Variants in PTPRG observed in about 807,000 individuals in gnomAD.
The protein encoded by PTPRG is protein tyrosine phosphatase receptor type G.
A neutral mutation model predicts 165.3 loss-of-function variants in PTPRG; 102 were observed. That is an observed-to-expected ratio of 0.62 (90% CI 0.53 to 0.73). The LOEUF (loss-of-function observed/expected upper bound fraction) is 0.73. Among genes scored for constraint, PTPRG ranks in the 30% least tolerant of loss-of-function variants. The probability of loss-of-function intolerance (pLI) is 0.00; values close to 1 mark genes in which losing one functional copy is unlikely to be tolerated. For missense variants in PTPRG, 1,866 were observed against 1,861.4 expected, an observed-to-expected ratio of 1.00 and a Z score of -0.05; for synonymous variants, 675 against 669.5, an observed-to-expected ratio of 1.01 and a Z score of -0.13.
intron 1 of PTPRG, among the ~76,000 whole-genome samples, chr3:61,629,394 T>TC (rs1194032506): frequency 6.6e-6 from 1 of 152,128 alleles, no homozygotes; most frequent in African/African-American, 2.4e-5. Context: ...GACCTTGTGA[T>TC]CCGCCTGCCT....
intron 2 of PTPRG, among the ~76,000 whole-genome samples, chr3:61,822,100 C>A (rs1165752665): frequency 6.6e-6 from 1 of 152,194 alleles, no homozygotes; most frequent in Admixed American, 6.5e-5. Flanking sequence ...TGGAGAATCT[C>A]TCTTTTCTGA....
intron 13 of PTPRG, among the ~76,000 whole-genome samples, chr3:62,226,974 T>C (rs2106909805): frequency 6.6e-6 from 1 of 152,302 alleles, no homozygotes; most frequent in East Asian, 1.9e-4. Context: ...TTTTTTTTCT[T>C]CCCTGGATGT....
chr3:61,753,406 CAGTT>C (rs1180034511), intron 2 of PTPRG, among the ~76,000 whole-genome samples: 21 of 152,028 alleles, frequency 1.4e-4, no homozygotes, highest in African/African-American at 4.3e-4. Flanking sequence ...TAATTTTACT[CAGTT>C]AAAGTATATT....
At chr3:62,177,058 G>A (rs776094513) in intron 8 of PTPRG, among the ~76,000 whole-genome samples, 9 of 152,158 alleles carry the variant, frequency 5.9e-5, no homozygotes, top group Non-Finnish European at 1.3e-4. Flanking sequence ...GAGACCAGCA[G>A]TTCCTGACCA....
chr3:61,752,883 C>A (rs1490212612), intron 2 of PTPRG, among the ~76,000 whole-genome samples: 1 of 150,190 alleles, frequency 6.7e-6, no homozygotes, highest in Non-Finnish European at 1.5e-5. Flanking sequence ...TCTGGTATAA[C>A]TTTTCACTTC....
At chr3:61,944,021 G>C (rs1013085571) in intron 2 of PTPRG, among the ~76,000 whole-genome samples, 1 of 152,052 alleles carries the variant, frequency 6.6e-6, no homozygotes, top group African/African-American at 2.4e-5. Context: ...TATATGCCTT[G>C]GTTCCAGCAG....
At chr3:62,253,809 T>G (rs1238496241) in intron 15 of PTPRG, among the ~76,000 whole-genome samples, 2 of 152,224 alleles carry the variant, frequency 1.3e-5, no homozygotes, top group Non-Finnish European at 2.9e-5. Context: ...TAAGGTTGCC[T>G]ATTAACATGA....
At chr3:61,672,195 A>G (rs1475680905) in intron 1 of PTPRG, among the ~76,000 whole-genome samples, 2 of 124,878 alleles carry the variant, frequency 1.6e-5, no homozygotes, top group African/African-American at 6.2e-5. Flanking sequence ...CACTTCCTAG[A>G]TGGGATGGCG....
intron 20 of PTPRG, among the ~76,000 whole-genome samples, chr3:62,269,782 T>C (rs1273018837): frequency 2.0e-5 from 3 of 152,090 alleles, no homozygotes; most frequent in African/African-American, 7.2e-5. Context: ...TCACAACAAA[T>C]ATCCTAGATC....
intron 1 of PTPRG, among the ~76,000 whole-genome samples, chr3:61,715,556 C>G (rs150628318): frequency 6.6e-6 from 1 of 152,088 alleles, no homozygotes; most frequent in African/African-American, 2.4e-5. Context: ...AGGCCCAGAT[C>G]GTATGTCTTG....
chr3:61,950,625 G>A (rs910967458), intron 2 of PTPRG, among the ~76,000 whole-genome samples: 6 of 152,012 alleles, frequency 3.9e-5, no homozygotes, highest in Admixed American at 1.3e-4. Context: ...TGTGTTAGAG[G>A]CAGATTACAT....
At chr3:62,024,385 C>A (rs1375286863) in intron 4 of PTPRG, among the ~76,000 whole-genome samples, 1 of 140,834 alleles carries the variant, frequency 7.1e-6, no homozygotes, top group South Asian at 2.4e-4. Flanking sequence ...TGAAAGGTCA[C>A]TATTTTGTGA....
intron 1 of PTPRG, among the ~76,000 whole-genome samples, chr3:61,627,344 T>TA (rs908524842): frequency 1.3e-5 from 2 of 152,160 alleles, no homozygotes; most frequent in African/African-American, 2.4e-5. Flanking sequence ...ATTTGCCTGA[T>TA]ACGATAATTG....
intron 2 of PTPRG, chr3:61,770,306 T>G (rs2034170106): frequency 6.6e-6 from 1 of 152,198 alleles, no homozygotes; most frequent in Admixed American, 6.5e-5. Flanking sequence ...GGTTCATTTT[T>G]AGACACTGGC....
intron 3 of PTPRG, among the ~76,000 whole-genome samples, chr3:61,996,777 C>T (rs191415288): frequency 1.7e-4 from 26 of 152,224 alleles, no homozygotes; most frequent in Admixed American, 1.2e-3. Flanking sequence ...TAATACTATC[C>T]AGCTTTGCCT....
rs925964397 is a variant in PTPRG at position 62,210,620 on chromosome 3, T to C, written c.2155+6670T>C. Reference sequence around the variant, plus strand: ...GTCTTGAACTGCTTATATCCACTTATACACGAGTTTTCTTCTGTCTCTGCT... The same window carrying C: ...GTCTTGAACTGCTTATATCCACTTACACACGAGTTTTCTTCTGTCTCTGCT... On this transcript the variant is annotated intron_variant, in intron 12 of 29. Transcript: ENST00000474889. This position sits in a 1 kb window ranked among gnomAD's most constrained non-coding sequence, Gnocchi z 4.1. Among the ~76,000 whole-genome samples the C allele has an allele frequency of 2.6e-5, 4 of 152,186 alleles. No individual in the cohort carries two copies. Among genetic ancestry groups the C allele is most frequent in the African/African-American group, 9.7e-5 (4 of 41,442 alleles).
At chr3:62,135,807 G>C (rs531591518) in intron 6 of PTPRG, among the ~76,000 whole-genome samples, 1 of 152,260 alleles carries the variant, frequency 6.6e-6, no homozygotes, top group Admixed American at 6.5e-5. Context: ...GAGCTAGGAG[G>C]ATTGGCTGAA....
intron 2 of PTPRG, among the ~76,000 whole-genome samples, chr3:61,935,486 G>T (rs1348640418): frequency 6.6e-6 from 1 of 152,036 alleles, no homozygotes; most frequent in African/African-American, 2.4e-5. Flanking sequence ...GCAGGCAGAA[G>T]AAAGGAACTT....
At chr3:62,148,691 G>A (rs1016172157) in intron 6 of PTPRG, among the ~76,000 whole-genome samples, 1 of 152,152 alleles carries the variant, frequency 6.6e-6, no homozygotes, top group African/African-American at 2.4e-5. Context: ...GAACTCAGAA[G>A]GTGGAGGTGG....
Sources: gnomAD v4.1 joint callset for allele counts (sites outside exome capture counted in the v4.1 genomes callset) on GRCh38, gnomAD v4.1.1 for gene constraint, Gnocchi (gnomAD v3.1) non-coding constraint, MANE v1.5 for transcripts, NCBI Gene and HGNC (gene_info 2026-07-23, HGNC 2026-07-21) for gene names.